Variants in NBAS observed in about 807,000 individuals in gnomAD.
NBAS encodes NAG/BC035112 fusion.
In NBAS, 219 loss-of-function variants were observed where a neutral mutation model predicts 302.5. That is an observed-to-expected ratio of 0.72 (90% CI 0.65 to 0.81). The LOEUF is 0.81. NBAS is among the 30% of genes least tolerant of loss of function. NBAS has a pLI of 0.00. For synonymous variants in NBAS, 1,118 were observed against 1,021.6 expected (o/e 1.09, Z -1.80); for missense variants, 2,932 against 2,841.6 (o/e 1.03, Z -0.72).
At chr2:15,357,902 C>T (rs1673704092) in intron 32 of NBAS, among the ~76,000 whole-genome samples, 1 of 152,136 alleles carries the variant, frequency 6.6e-6, no homozygotes, top group South Asian at 2.1e-4. Flanking sequence ...ACCACTAACC[C>T]TGGGGCTTTA....
chr2:15,282,657 C>A (rs1219677325), intron 42 of NBAS, among the ~76,000 whole-genome samples: 2 of 152,110 alleles, frequency 1.3e-5, no homozygotes, highest in African/African-American at 2.4e-5. Flanking sequence ...ACTTGTATAA[C>A]CATTTGAGTG....
chr2:15,352,586 T>C (rs1673416684), intron 34 of NBAS, among the ~76,000 whole-genome samples: 1 of 152,152 alleles, frequency 6.6e-6, no homozygotes, highest in Non-Finnish European at 1.5e-5. Context: ...GTGCCCCTTC[T>C]CTCCTGATTC....
intron 22 of NBAS, among the ~76,000 whole-genome samples, chr2:15,427,105 G>A (rs1230863033): frequency 1.3e-5 from 2 of 152,060 alleles, no homozygotes; most frequent in Admixed American, 6.6e-5. Flanking sequence ...TAATCTGAAG[G>A]TTTTCTAGCT....
intron 38 of NBAS, among the ~76,000 whole-genome samples, chr2:15,327,461 T>A (rs981009989): frequency 6.6e-6 from 1 of 152,210 alleles, no homozygotes; most frequent in Non-Finnish European, 1.5e-5. Flanking sequence ...TGAGCATTTT[T>A]TCCATTCACT....
intron 44 of NBAS, among the ~76,000 whole-genome samples, chr2:15,239,850 T>C (rs1226868094): frequency 6.6e-6 from 1 of 152,172 alleles, no homozygotes; most frequent in East Asian, 1.9e-4. Context: ...GGGAGTTATA[T>C]TTTTCTAATT....
the NBAS span, among the ~76,000 whole-genome samples, chr2:15,000,997 T>G: frequency 6.6e-6 from 1 of 152,198 alleles, no homozygotes; most frequent in Non-Finnish European, 1.5e-5. Flanking sequence ...GACATGGGCA[T>G]GAGCGTGTCT....
intron 51 of NBAS, among the ~76,000 whole-genome samples, chr2:15,174,895 G>A (rs1422432850): frequency 1.3e-5 from 2 of 152,202 alleles, no homozygotes; most frequent in African/African-American, 4.8e-5. Context: ...GCAAAGAGGT[G>A]GGATTTGCAA....
At chr2:14,940,864 T>G in the NBAS span, among the ~76,000 whole-genome samples, 1 of 152,164 alleles carries the variant, frequency 6.6e-6, no homozygotes, top group Non-Finnish European at 1.5e-5. Context: ...CTCACCACAT[T>G]GCAATAAATA....
chr2:15,156,728 C>G, the NBAS span, among the ~76,000 whole-genome samples: 1 of 152,166 alleles, frequency 6.6e-6, no homozygotes, highest in Non-Finnish European at 1.5e-5. Context: ...ACAAAATCCT[C>G]CAGACCACAG....
intron 48 of NBAS, among the ~76,000 whole-genome samples, chr2:15,215,686 G>C (rs1666619742): frequency 6.6e-6 from 1 of 152,168 alleles, no homozygotes; most frequent in African/African-American, 2.4e-5. Context: ...TGGAGATGAA[G>C]AGTGGAGTTT....
the NBAS span, among the ~76,000 whole-genome samples, chr2:14,906,524 G>A: frequency 4.6e-5 from 7 of 152,092 alleles, no homozygotes; most frequent in Non-Finnish European, 7.4e-5. Context: ...GCTGTTCCTG[G>A]GGACCCACCT....
At chr2:14,818,065 C>T in the NBAS span, among the ~76,000 whole-genome samples, 62 of 152,300 alleles carry the variant, frequency 4.1e-4, no homozygotes, top group African/African-American at 1.3e-3. Context: ...CACTCTGTCA[C>T]CATGTTCCTG....
the NBAS span, among the ~76,000 whole-genome samples, chr2:14,945,971 T>C: frequency 7.9e-5 from 12 of 152,140 alleles, no homozygotes; most frequent in Non-Finnish European, 1.0e-4. Flanking sequence ...ATCCCAGCTA[T>C]TGGGGAGGCT....
At chr2:15,126,824 A>G in the NBAS span, among the ~76,000 whole-genome samples, 42 of 152,342 alleles carry the variant, frequency 2.8e-4, 1 homozygote, top group South Asian at 8.3e-3. Flanking sequence ...TAAGCACGCT[A>G]CAAACTTGAT....
At chr2:15,121,365 C>A in the NBAS span, among the ~76,000 whole-genome samples, 1 of 152,178 alleles carries the variant, frequency 6.6e-6, no homozygotes, top group East Asian at 1.9e-4. Context: ...ACCCTGCAAC[C>A]TGCTCAGACA....
chr2:15,306,684 A>C (rs1417220407), intron 40 of NBAS, among the ~76,000 whole-genome samples: 1 of 152,232 alleles, frequency 6.6e-6, no homozygotes, highest in Non-Finnish European at 1.5e-5. Flanking sequence ...AGAAGAAATC[A>C]AGATAAATGC....
the NBAS span, among the ~76,000 whole-genome samples, chr2:14,792,967 G>A: frequency 6.6e-6 from 1 of 152,026 alleles, no homozygotes; most frequent in Admixed American, 6.6e-5. Flanking sequence ...AGTAATTAAG[G>A]TTCAATAAAG....
intron 35 of NBAS, among the ~76,000 whole-genome samples, chr2:15,332,527 G>A (rs576176322): frequency 4.3e-4 from 65 of 151,696 alleles, no homozygotes; most frequent in Middle Eastern, 3.4e-3. Context: ...ATTCTAAACC[G>A]GTTTGGTCAT....
chr2:14,907,122 C>T, the NBAS span, among the ~76,000 whole-genome samples: 1 of 152,330 alleles, frequency 6.6e-6, no homozygotes, highest in East Asian at 1.9e-4. Flanking sequence ...CACTAGTGCC[C>T]TGGCTGCTGT....
Sources: gnomAD v4.1 joint callset for allele counts (sites outside exome capture counted in the v4.1 genomes callset) on GRCh38, gnomAD v4.1.1 for gene constraint, MANE v1.5 for transcripts, NCBI Gene and HGNC (gene_info 2026-07-23, HGNC 2026-07-21) for gene names.